Variants in CTNNA3 observed in about 807,000 individuals in gnomAD.
CTNNA3 encodes the protein catenin alpha-3.
A neutral mutation model predicts 95.7 loss-of-function variants in CTNNA3; 76 were observed. The ratio of observed to expected loss-of-function variants is 0.79; its 90% CI spans 0.66 to 0.96. The LOEUF (loss-of-function observed/expected upper bound fraction) is 0.96. CTNNA3 is among the 40% of genes least tolerant of loss of function. The pLI is 0.00. For missense variants in CTNNA3, 1,191 were observed against 1,089.8 expected (o/e 1.09, Z -1.31); for synonymous variants, 431 against 374.4 (o/e 1.15, Z -1.74).
chr10:65,987,924 T>A (rs2078461112), intron 16 of CTNNA3, among the ~76,000 whole-genome samples: 1 of 152,120 alleles, frequency 6.6e-6, no homozygotes, highest in African/African-American at 2.4e-5. Context: ...TTAAGTGAAA[T>A]AAGTCAGGTA....
intron 11 of CTNNA3, among the ~76,000 whole-genome samples, chr10:66,439,302 T>A (rs533933930): frequency 2.0e-5 from 3 of 152,262 alleles, no homozygotes; most frequent in East Asian, 1.9e-4. Flanking sequence ...TATTTTCTAA[T>A]CTTTTTCTTA....
chr10:67,613,477 C>G (rs1843533131), intron 2 of CTNNA3, among the ~76,000 whole-genome samples: 1 of 152,102 alleles, frequency 6.6e-6, no homozygotes, highest in African/African-American at 2.4e-5. Flanking sequence ...GTTGCTACAG[C>G]AAAATTAAAG....
chr10:65,932,893 T>C (rs2077276967), intron 17 of CTNNA3, among the ~76,000 whole-genome samples: 1 of 152,150 alleles, frequency 6.6e-6, no homozygotes, highest in South Asian at 2.1e-4. Flanking sequence ...CCAAATGTGA[T>C]TGCTCGCTCA....
intron 13 of CTNNA3, among the ~76,000 whole-genome samples, chr10:66,186,683 G>T (rs113958584): frequency 2.6e-5 from 4 of 151,914 alleles, no homozygotes; most frequent in African/African-American, 9.7e-5. Flanking sequence ...GTCAAGAAAA[G>T]GCATTCAGGA....
At chr10:67,323,467 T>C (rs1205013361) in intron 5 of CTNNA3, among the ~76,000 whole-genome samples, 1 of 152,218 alleles carries the variant, frequency 6.6e-6, no homozygotes, top group East Asian at 1.9e-4. Flanking sequence ...ACTTATTGAA[T>C]AGGGAATCCT....
intron 9 of CTNNA3, among the ~76,000 whole-genome samples, chr10:66,693,243 T>A (rs1359121524): frequency 6.6e-6 from 1 of 151,278 alleles, no homozygotes; most frequent in Admixed American, 6.6e-5. Flanking sequence ...ACACATAGGC[T>A]CAAAATAAAA....
chr10:67,546,533 T>C (rs1357014147), intron 3 of CTNNA3, among the ~76,000 whole-genome samples: 2 of 152,156 alleles, frequency 1.3e-5, no homozygotes, highest in Admixed American at 6.6e-5. Context: ...CTAAAGTGGT[T>C]TACAGTAAAA....
At chr10:67,618,704 T>G (rs1843734434) in intron 2 of CTNNA3, among the ~76,000 whole-genome samples, 1 of 152,224 alleles carries the variant, frequency 6.6e-6, no homozygotes, top group South Asian at 2.1e-4. Context: ...TGATTAGATT[T>G]GCAGGGCTGA....
chr10:66,317,620 C>T (rs937116085), intron 12 of CTNNA3, among the ~76,000 whole-genome samples: 1 of 151,828 alleles, frequency 6.6e-6, no homozygotes, highest in Non-Finnish European at 1.5e-5. Flanking sequence ...TTGTAGTGAG[C>T]TGAGATCACT....
At chr10:66,691,649 A>G (rs1316477504) in intron 9 of CTNNA3, among the ~76,000 whole-genome samples, 4 of 152,188 alleles carry the variant, frequency 2.6e-5, no homozygotes, top group African/African-American at 7.2e-5. Context: ...GAATGGGCAG[A>G]CTGCCTCCTC....
At chr10:67,464,110 G>C (rs1387052205) in intron 5 of CTNNA3, among the ~76,000 whole-genome samples, 1 of 152,052 alleles carries the variant, frequency 6.6e-6, no homozygotes, top group African/African-American at 2.4e-5. Flanking sequence ...ACTCGATCCT[G>C]TTATTTAAAA....
chr10:66,061,626 T>A (rs776761855), intron 15 of CTNNA3, among the ~76,000 whole-genome samples: 1 of 152,036 alleles, frequency 6.6e-6, no homozygotes, highest in African/African-American at 2.4e-5. Context: ...CCTATCACTT[T>A]CTTCATGCCC....
intron 7 of CTNNA3, among the ~76,000 whole-genome samples, chr10:66,885,461 C>T (rs1305000188): frequency 1.3e-5 from 2 of 152,076 alleles, no homozygotes; most frequent in South Asian, 2.1e-4. Flanking sequence ...TTCCATTATT[C>T]GCTCTTCCTT....
At chr10:67,696,885 T>C (rs552452626), upstream of CTNNA3, among the ~76,000 whole-genome samples, 4 of 152,354 alleles carry the variant, frequency 2.6e-5, no homozygotes, top group Admixed American at 2.6e-4. Flanking sequence ...TTCTGTGGCA[T>C]TTCCTTGGAC....
intron 11 of CTNNA3, among the ~76,000 whole-genome samples, chr10:66,481,461 CTTTTTTTTTTT>C (rs148278459): frequency 2.9e-4 from 21 of 73,208 alleles, no homozygotes; most frequent in Non-Finnish European, 2.2e-4. Context: ...TCCCTTGTTT[CTTTTTTTTTTT>C]TTTTTTTTTT....
chr10:67,389,861 G>A (rs555116751), intron 5 of CTNNA3, among the ~76,000 whole-genome samples: 2 of 151,724 alleles, frequency 1.3e-5, no homozygotes, highest in South Asian at 2.1e-4. Context: ...TGAAACCAAC[G>A]AGAACAAAGA....
Position 67,620,923 on chromosome 10 carries a change from G to GTGTGTATA in CTNNA3, c.100-13875_100-13874insTATACACA, listed in dbSNP as rs1402402526. ...TGTATATGTGTGTGTGTGTGTGTGT[G>GTGTGTATA]TATATATATATATATATATATATAT... On this transcript the variant is annotated intron_variant, in intron 2 of 17. Coordinates refer to ENST00000433211, the MANE Select transcript of CTNNA3 (RefSeq NM_013266.4). Among the ~76,000 whole-genome samples, 783 of 123,780 alleles carry GTGTGTATA rather than the reference G, an allele frequency of 6.3e-3. 2 individuals carry two copies. Among genetic ancestry groups the GTGTGTATA allele is most frequent in the Non-Finnish European group, 9.4e-3 (553 of 58,962 alleles). The allele number at this position is 123,780 out of a possible 152,430, so 81.2% of individuals were successfully genotyped here. A position where few individuals can be genotyped will look rare whatever the true frequency, so the allele number is the denominator to read the frequency against.
At chr10:66,814,581 G>A (rs2132272947) in intron 7 of CTNNA3, among the ~76,000 whole-genome samples, 1 of 152,144 alleles carries the variant, frequency 6.6e-6, no homozygotes, top group East Asian at 2.0e-4. Context: ...GGCCAATATG[G>A]CAAAACCTTG....
At chr10:67,091,695 T>C (rs1267568397) in intron 7 of CTNNA3, among the ~76,000 whole-genome samples, 1 of 151,672 alleles carries the variant, frequency 6.6e-6, no homozygotes, top group Non-Finnish European at 1.5e-5. Flanking sequence ...GTAACAGAGA[T>C]GAGAGATGTG....
Sources: gnomAD v4.1 joint callset for allele counts (sites outside exome capture counted in the v4.1 genomes callset) on GRCh38, gnomAD v4.1.1 for gene constraint, MANE v1.5 for transcripts, NCBI Gene and HGNC (gene_info 2026-07-23, HGNC 2026-07-21) for gene names.